The following DGKE variants were observed in gnomAD, a reference collection of about 807,000 sequenced individuals.
DGKE encodes DAG kinase epsilon.
A neutral mutation model predicts 70.0 loss-of-function variants in DGKE; 53 were observed. The ratio of observed to expected loss-of-function variants is 0.76; its 90% CI spans 0.61 to 0.95. DGKE has a LOEUF of 0.95. Ranked by LOEUF, DGKE falls within the 40% of genes least tolerant of loss-of-function variation. The pLI, the probability that DGKE is intolerant of heterozygous loss-of-function variation, is 0.00. For synonymous variants in DGKE, 291 were observed against 257.0 expected, an observed-to-expected ratio of 1.13 and a Z score of -1.27; for missense variants, 655 against 706.9, an observed-to-expected ratio of 0.93 and a Z score of 0.83.
chr17:56,851,452 A>G (rs1027549267), intron 7 of DGKE, among the ~76,000 whole-genome samples: 14 of 152,184 alleles, frequency 9.2e-5, no homozygotes, highest in African/African-American at 3.4e-4. Context: ...TCTCTGGGGA[A>G]GCTAACTTGC....
intron 4 of DGKE, among the ~76,000 whole-genome samples, chr17:56,847,131 C>T (rs1316926663): frequency 6.6e-6 from 1 of 151,978 alleles, no homozygotes; most frequent in Non-Finnish European, 1.5e-5. Context: ...GGGTCGTTGA[C>T]AGAATTATGG....
At chr17:56,847,084 A>G (rs568104903) in intron 4 of DGKE, among the ~76,000 whole-genome samples, 60 of 152,272 alleles carry the variant, frequency 3.9e-4, no homozygotes, top group African/African-American at 1.3e-3. Context: ...TTTTATACAT[A>G]TTTTTAGGCA....
chr17:56,841,215 C>T (rs1906958907), intron 2 of DGKE, among the ~76,000 whole-genome samples: 1 of 148,530 alleles, frequency 6.7e-6, no homozygotes, highest in South Asian at 2.1e-4. Flanking sequence ...TGCACCACTG[C>T]ACTCCAAGCC....
rs1385199367 is a variant in DGKE, at chr17:56,868,609, G to A, written c.*5818G>A. The A allele has an allele frequency of 6.6e-6, 1 of 152,208 alleles. No homozygotes were observed. The highest frequency in any genetic ancestry group is 1.5e-5 in the Non-Finnish European group (1 of 68,054). The allele number at this position is 152,208 out of a possible 1,614,324, so 9.4% of individuals were successfully genotyped here. A position where few individuals can be genotyped will look rare whatever the true frequency, so the allele number is the denominator to read the frequency against. On this transcript the variant is annotated 3_prime_UTR_variant, in exon 12 of 12. Transcript: ENST00000284061. ...GTGGTCAGTGCCTGCAGGCAGAAAT[G>A]TGAAAGCATTTGGTATGTTGAAGAT... is the stretch of plus-strand genomic sequence containing the variant.
At chr17:56,849,901 GAC>G (rs1267791504) in intron 7 of DGKE, among the ~76,000 whole-genome samples, 1 of 152,162 alleles carries the variant, frequency 6.6e-6, no homozygotes, top group Non-Finnish European at 1.5e-5. Context: ...CAGGAATAAA[GAC>G]AGAGCTAGAG....
At position 56,858,577 on chromosome 17, in the gene DGKE, C is replaced by T; in HGVS notation, c.1213-17C>T. The T allele has an allele frequency of 6.3e-7, 1 of 1,579,854 alleles. No homozygotes were observed. The highest frequency in any genetic ancestry group is 1.2e-5 in the South Asian group (1 of 86,428). On this transcript the variant is annotated splice_polypyrimidine_tract_variant and intron_variant, in intron 8 of 11. Transcript: ENST00000284061. Reference sequence around the variant, plus strand: ...TTAGATTGTTTTAATATTATATTTTCTGTCCATTTTTCATAGGCGGTTTAC... The same window carrying T: ...TTAGATTGTTTTAATATTATATTTTTTGTCCATTTTTCATAGGCGGTTTAC...
intron 5 of DGKE, 143 bp from the exon 6 acceptor site, chr17:56,848,553 G>A: frequency 1.4e-6 from 1 of 731,430 alleles, no homozygotes; most frequent in South Asian, 2.2e-5. Context: ...TTTTGATTAA[G>A]CAATTAGCAC....
intron 2 of DGKE, chr17:56,838,669 C>T (rs1260881379): frequency 1.0e-5 from 1 of 99,244 alleles, no homozygotes; most frequent in African/African-American, 3.4e-5. Context: ...AGAAAACAAG[C>T]CTTGTTAAAC....
chr17:56,846,744 TAAGAA>T (rs1907310137), intron 4 of DGKE, among the ~76,000 whole-genome samples: 1 of 152,192 alleles, frequency 6.6e-6, no homozygotes, highest in African/African-American at 2.4e-5. Flanking sequence ...TTATACAGTT[TAAGAA>T]AATTATAAAA....
chr17:56,858,091 A>G (rs948287310), intron 8 of DGKE, among the ~76,000 whole-genome samples: 32 of 145,762 alleles, frequency 2.2e-4, no homozygotes, highest in Admixed American at 5.5e-4. Flanking sequence ...AAAAAAAAAG[A>G]AAAAGAAAAA....
intron 2 of DGKE, chr17:56,836,561 C>T (rs979513755): frequency 3.3e-5 from 5 of 152,114 alleles, no homozygotes; most frequent in Admixed American, 6.6e-5. Flanking sequence ...CATAAATAAC[C>T]GTATTTCAAA....
intron 5 of DGKE, 73 bp downstream of exon 5, chr17:56,848,138 G>A: frequency 2.6e-6 from 2 of 769,958 alleles, no homozygotes; most frequent in East Asian, 1.4e-4. Context: ...ATATATATGG[G>A]TTTTGTTGTT....
chr17:56,868,939 G>T lies in DGKE; in HGVS notation c.*6148G>T, dbSNP rs1908640528. The T allele has an allele frequency of 6.6e-6, 1 of 152,164 alleles. No homozygotes were observed. Among genetic ancestry groups the T allele is most frequent in the Non-Finnish European group, 1.5e-5 (1 of 68,038 alleles). The allele number at this position is 152,164 out of a possible 1,614,324, so 9.4% of individuals were successfully genotyped here. A position where few individuals can be genotyped will look rare whatever the true frequency, so the allele number is the denominator to read the frequency against. ...TCCTGGCAGAGTAGAGCAGTAAGTG[G>T]GATCAAAGGTGAATTCACCTTATTT... On this transcript the variant is annotated 3_prime_UTR_variant, in exon 12 of 12. Transcript: ENST00000284061.
chr17:56,862,500 T>G, intron 11 of DGKE, 112 bp from the exon 12 acceptor site: 1 of 1,047,074 alleles, frequency 9.6e-7, no homozygotes, highest in Non-Finnish European at 1.3e-6. Flanking sequence ...GATTAATATT[T>G]TCTAAAAATG....
At chr17:56,834,732 A>C in intron 1 of DGKE, 46 bp from the exon 2 acceptor site, 1 of 1,491,328 alleles carries the variant, frequency 6.7e-7, no homozygotes, top group Non-Finnish European at 9.0e-7. Flanking sequence ...GGGGCGGGGA[A>C]GGGATGGCGA....
intron 4 of DGKE, among the ~76,000 whole-genome samples, chr17:56,847,105 T>C (rs188757447): frequency 2.2e-3 from 342 of 152,352 alleles, no homozygotes; most frequent in African/African-American, 6.7e-3. Context: ...TTTTTGTCTT[T>C]CGAAATATTT....
chr17:56,850,760 C>T (rs959303600), intron 7 of DGKE, among the ~76,000 whole-genome samples: 1 of 151,986 alleles, frequency 6.6e-6, no homozygotes, highest in Non-Finnish European at 1.5e-5. Flanking sequence ...TAGGAAGGTT[C>T]GCATATTGAA....
chr17:56,856,601 G>A lies in DGKE; in HGVS notation c.1188G>A (p.Leu396=). The change falls in exon 8 of 12, where the codon CTG becomes CTA. Residue 396 remains leucine (L), a synonymous_variant. Coordinates refer to ENST00000284061, the MANE Select transcript of DGKE (RefSeq NM_003647.3). Reference sequence around the variant, plus strand: ...CTCATCGTGAGAAGGCACCATCTCTGTTTTCTAGCAGAATTCTTAATAAGG... The same window carrying A: ...CTCATCGTGAGAAGGCACCATCTCTATTTTCTAGCAGAATTCTTAATAAGG... ...FHAHREKAPS[L]FSSRILNKAV... The A allele has an allele frequency of 1.2e-6, 2 of 1,613,548 alleles. No individual in the cohort carries two copies. Among genetic ancestry groups the A allele is most frequent in the Non-Finnish European group, 8.5e-7 (1 of 1,179,792 alleles).
chr17:56,840,123 C>T (rs1385325949), intron 2 of DGKE, among the ~76,000 whole-genome samples: 5 of 152,088 alleles, frequency 3.3e-5, no homozygotes, highest in African/African-American at 1.2e-4. Context: ...GAGATCGCGC[C>T]ATTGCACTCC....
Sources: gnomAD v4.1 joint callset for allele counts (sites outside exome capture counted in the v4.1 genomes callset) on GRCh38, gnomAD v4.1.1 for gene constraint, MANE v1.5 for transcripts, NCBI Gene and HGNC (gene_info 2026-07-23, HGNC 2026-07-21) for gene names.